The following ARMC12 variants were observed in gnomAD, a reference collection of about 807,000 sequenced individuals.
ARMC12 encodes the protein armadillo repeat containing 12, also known as armadillo repeat-containing protein 12.
A neutral mutation model predicts 37.4 loss-of-function variants in ARMC12; 25 were observed. The ratio of observed to expected loss-of-function variants is 0.67; its 90% CI spans 0.49 to 0.93. The LOEUF (loss-of-function observed/expected upper bound fraction) is 0.93. Among genes scored for constraint, ARMC12 ranks in the 40% least tolerant of loss-of-function variants. ARMC12 has a pLI of 0.00. For synonymous variants in ARMC12, 167 were observed against 176.1 expected, an observed-to-expected ratio of 0.95 and a Z score of 0.41; for missense variants, 384 against 426.6, an observed-to-expected ratio of 0.90 and a Z score of 0.88.
rs537106456 is a variant in ARMC12 at position 35,738,201 on chromosome 6, C to A, written c.309+29C>A. 1.1e-4 allele frequency: 181 copies of A among 1,586,008 alleles called. 2 individuals carry two copies. In the South Asian group the frequency reaches 1.9e-3, roughly 17 times the overall value. On this transcript the variant is annotated intron_variant, in intron 2 of 5. Transcript: ENST00000373866. Reference sequence around the variant, plus strand: ...AGGGAAGCAGGAGGTCCCCCCTAGCCGGCCTGGCCCCTGGGGGTTACGGCC... The same window carrying A: ...AGGGAAGCAGGAGGTCCCCCCTAGCAGGCCTGGCCCCTGGGGGTTACGGCC...
chr6:35,734,144 TCA>T (rs1464399007), upstream of ARMC12: 2 of 152,126 alleles, frequency 1.3e-5, no homozygotes, highest in Non-Finnish European at 2.9e-5. Flanking sequence ...CGATCTATTA[TCA>T]CCATCATTAA....
At chr6:35,732,313 C>T (rs1370307669), upstream of ARMC12, among the ~76,000 whole-genome samples, 2 of 152,204 alleles carry the variant, frequency 1.3e-5, no homozygotes, top group Non-Finnish European at 2.9e-5. Flanking sequence ...TCTTGGCTTT[C>T]TGCAAGGGAA....
chr6:35,735,284 GT>G (rs1440109472), upstream of ARMC12: 1 of 152,442 alleles, frequency 6.6e-6, no homozygotes, highest in Non-Finnish European at 1.5e-5. The surrounding 1 kb of genome is among the most constrained non-coding windows in gnomAD (Gnocchi z 4.0). Context: ...ATGCGATGGG[GT>G]TGCATGGCAG....
chr6:35,747,705 A>G, intron 5 of ARMC12, 58 bp downstream of exon 5: 1 of 1,543,062 alleles, frequency 6.5e-7, no homozygotes, highest in South Asian at 1.1e-5. Flanking sequence ...GGGGGAGGGA[A>G]GAATCATGGC....
chr6:35,731,524 C>G, the ARMC12 span, among the ~76,000 whole-genome samples: 6 of 151,996 alleles, frequency 3.9e-5, no homozygotes, highest in Admixed American at 3.9e-4. Context: ...GGGGCGTGGC[C>G]TCTCTCCATC....
chr6:35,743,373 C>T (rs756187462), intron 3 of ARMC12, among the ~76,000 whole-genome samples: 17 of 152,112 alleles, frequency 1.1e-4, no homozygotes, highest in Non-Finnish European at 1.6e-4. Flanking sequence ...TGTGCCACCA[C>T]GTTCCGCTGA....
intron 3 of ARMC12, among the ~76,000 whole-genome samples, chr6:35,744,985 G>T (rs1003531065): frequency 6.6e-6 from 1 of 152,194 alleles, no homozygotes; most frequent in African/African-American, 2.4e-5. Context: ...TGCTGGCAAA[G>T]ATATAGAAAA....
At chr6:35,741,223 G>A (rs1018181833) in intron 3 of ARMC12, among the ~76,000 whole-genome samples, 1 of 152,032 alleles carries the variant, frequency 6.6e-6, no homozygotes, top group Non-Finnish European at 1.5e-5. Context: ...CACTCACATT[G>A]TGCTGTGAAC....
the ARMC12 span, among the ~76,000 whole-genome samples, chr6:35,731,916 G>T: frequency 1.2e-4 from 19 of 152,342 alleles, no homozygotes; most frequent in East Asian, 3.5e-3. Flanking sequence ...CCGAGCGCGG[G>T]AGAGAAAGAG....
intron 3 of ARMC12, among the ~76,000 whole-genome samples, chr6:35,739,242 G>C (rs539960767): frequency 4.1e-4 from 63 of 152,286 alleles, no homozygotes; most frequent in Non-Finnish European, 7.5e-4. Flanking sequence ...CGGTTACAGG[G>C]AGAAGGCCAG....
At chr6:35,744,467 C>A (rs1009023105) in intron 3 of ARMC12, among the ~76,000 whole-genome samples, 4 of 152,090 alleles carry the variant, frequency 2.6e-5, no homozygotes, top group African/African-American at 9.7e-5. Context: ...AATCACATAT[C>A]TGATAAAGGA....
At chr6:35,732,599 G>C (rs999608023), upstream of ARMC12, among the ~76,000 whole-genome samples, 3 of 152,216 alleles carry the variant, frequency 2.0e-5, no homozygotes, top group East Asian at 5.8e-4. Context: ...TCACCCTCGG[G>C]AATGGCGGTG....
At chr6:35,733,188 G>A (rs1046566404), upstream of ARMC12, among the ~76,000 whole-genome samples, 21 of 151,946 alleles carry the variant, frequency 1.4e-4, no homozygotes, top group East Asian at 5.8e-4. Context: ...GAGAGAGAGA[G>A]AAAAAATAAA....
chr6:35,748,592 T>C lies in ARMC12; in HGVS notation c.745T>C (p.Tyr249His). 2 of 1,585,000 alleles carry C rather than the reference T, an allele frequency of 1.3e-6. No homozygotes were observed. The highest frequency in any genetic ancestry group is 1.7e-6 in the Non-Finnish European group (2 of 1,164,120). The change falls in exon 6 of 6, where the codon TAT becomes CAT. Residue 249 changes from tyrosine to histidine, a missense_variant. By Grantham distance (83) the Tyr-to-His change is moderately conservative (BLOSUM62 2). Coordinates refer to ENST00000373866, the MANE Select transcript of ARMC12 (RefSeq NM_001286574.2). ...GCCCACACAGTCAGGGAGTCTCCTG[T>C]ATGAGGTACTGGTGTTTGCTGAGCG... ...FQPTQSGSLL[Y>H]EVLVFAERLS...
intron 3 of ARMC12, among the ~76,000 whole-genome samples, chr6:35,739,674 C>G (rs1334131936): frequency 6.6e-6 from 1 of 152,164 alleles, no homozygotes; most frequent in Non-Finnish European, 1.5e-5. Context: ...TGTTACATTC[C>G]AGCCTTTGTA....
Position 35,749,041 on chromosome 6 carries a change from G to A in ARMC12, c.*171G>A. On this transcript the variant is annotated 3_prime_UTR_variant, in exon 6 of 6. Coordinates refer to ENST00000373866, the MANE Select transcript of ARMC12 (RefSeq NM_001286574.2). ...TCTCAAAACACATCCCCACTTCTAT[G>A]TTTGGGGGACTAGCTCCCCTCTTCT... 3.4e-6 allele frequency: 2 copies of A among 593,926 alleles called. No individual in the cohort carries two copies. Among genetic ancestry groups the A allele is most frequent in the Non-Finnish European group, 5.5e-6 (2 of 363,654 alleles). 36.8% of individuals were successfully genotyped at this position (593,926 alleles called of 1,614,324 possible). A position where few individuals can be genotyped will look rare whatever the true frequency, so the allele number is the denominator to read the frequency against.
upstream of ARMC12, chr6:35,736,978 A>C (rs1461994023): frequency 2.2e-6 from 3 of 1,388,940 alleles, no homozygotes; most frequent in Non-Finnish European, 2.9e-6. Context: ...TTATCTCCCC[A>C]GTTTCCTTTG....
Position 35,741,418 on chromosome 6 carries a change from A to ATT in ARMC12, c.444+2913_444+2914dup, listed in dbSNP as rs34523843. Reference sequence around the variant, plus strand: ...TAACGTTTGATAATTTCACATTTTAATTTTTTTTTTTTTTGAGACAGAGTC... The same window carrying ATT: ...TAACGTTTGATAATTTCACATTTTAATTTTTTTTTTTTTTTTGAGACAGAGTC... On this transcript the variant is annotated intron_variant, in intron 3 of 5. Coordinates refer to ENST00000373866, the MANE Select transcript of ARMC12 (RefSeq NM_001286574.2). 7.1e-3 allele frequency among the ~76,000 whole-genome samples: 1,027 copies of ATT among 145,306 alleles called. 10 individuals carry two copies. The highest frequency in any genetic ancestry group is 0.021 in the African/African-American group (813 of 39,568).
the ARMC12 span, among the ~76,000 whole-genome samples, chr6:35,731,921 A>G: frequency 1.3e-5 from 2 of 152,158 alleles, no homozygotes; most frequent in African/African-American, 4.8e-5. Context: ...CGCGGGAGAG[A>G]AAGAGTTAAA....
Sources: allele counts gnomAD v4.1 joint callset (sites outside exome capture counted in the v4.1 genomes callset), GRCh38; gene constraint gnomAD v4.1.1; non-coding constraint Gnocchi (gnomAD v3.1); transcripts MANE v1.5; gene names NCBI Gene and HGNC (gene_info 2026-07-23, HGNC 2026-07-21).